AUH: variants seen among roughly 807,000 people sequenced by gnomAD.
AUH encodes the protein AU RNA binding methylglutaconyl-CoA hydratase.
In AUH, 29 loss-of-function variants were observed where a neutral mutation model predicts 42.3. The ratio of observed to expected loss-of-function variants is 0.69; its 90% CI spans 0.51 to 0.93. The LOEUF (loss-of-function observed/expected upper bound fraction) is 0.93, where lower values mean the gene tolerates loss of function less well. Ranked by LOEUF, AUH falls within the 40% of genes least tolerant of loss-of-function variation. The probability of loss-of-function intolerance (pLI) is 0.00; values close to 1 mark genes in which losing one functional copy is unlikely to be tolerated. For synonymous variants in AUH, 174 were observed against 166.4 expected (o/e 1.05, Z -0.35); for missense variants, 452 against 438.1 (o/e 1.03, Z -0.28).
intron 3 of AUH, among the ~76,000 whole-genome samples, chr9:91,353,494 T>C (rs549636098): frequency 4.3e-4 from 65 of 152,324 alleles, no homozygotes; most frequent in Non-Finnish European, 8.8e-4. Flanking sequence ...AAGATGTTTA[T>C]ACTAATATAG....
chr9:91,256,981 A>G (rs1195128236), intron 6 of AUH, among the ~76,000 whole-genome samples: 1 of 152,148 alleles, frequency 6.6e-6, no homozygotes, highest in East Asian at 1.9e-4. Flanking sequence ...CCAAACTTGT[A>G]GGTATTCTTG....
chr9:91,354,719 C>T (rs931599085), intron 3 of AUH, among the ~76,000 whole-genome samples: 1 of 152,130 alleles, frequency 6.6e-6, no homozygotes. Context: ...GATATCACTC[C>T]TCAAAAATTC....
chr9:91,217,950 G>A (rs1393175853), intron 7 of AUH, among the ~76,000 whole-genome samples: 1 of 152,172 alleles, frequency 6.6e-6, no homozygotes, highest in Non-Finnish European at 1.5e-5. Flanking sequence ...AATGTTACCT[G>A]TGTCTTGCAG....
intron 4 of AUH, among the ~76,000 whole-genome samples, chr9:91,302,778 G>GA (rs558155014): frequency 1.4e-4 from 22 of 151,726 alleles, no homozygotes; most frequent in African/African-American, 4.4e-4. Context: ...CAAAAAAAAG[G>GA]AAAAAAAATG....
At chr9:91,344,218 A>G (rs1006145030) in intron 3 of AUH, among the ~76,000 whole-genome samples, 9 of 152,206 alleles carry the variant, frequency 5.9e-5, no homozygotes, top group African/African-American at 2.2e-4. Flanking sequence ...TGGTCTCCAC[A>G]ACTAAGACAC....
chr9:91,309,078 C>T (rs1401601957), intron 4 of AUH, among the ~76,000 whole-genome samples: 3 of 151,632 alleles, frequency 2.0e-5, no homozygotes, highest in African/African-American at 7.3e-5. Context: ...AGGCGTGAGC[C>T]ACGGCGCCTG....
chr9:91,242,474 A>T (rs552743235), intron 6 of AUH, among the ~76,000 whole-genome samples: 1 of 152,374 alleles, frequency 6.6e-6, no homozygotes, highest in East Asian at 1.9e-4. Flanking sequence ...TGAACCACTT[A>T]TCTTGAAAAA....
rs558242514 is a variant in AUH at position 91,329,600 on chromosome 9, T to C, written c.419-4196A>G. On this transcript the variant is annotated intron_variant, in intron 3 of 9. Coordinates refer to ENST00000375731, the MANE Select transcript of AUH (RefSeq NM_001698.3). ...ATTTTTTTAAAATCAGGTAATTTGTTTTCTCCTTATTGAGTTGTAAGTTAT... is the reference window on the plus strand; with the variant it reads ...ATTTTTTTAAAATCAGGTAATTTGTCTTCTCCTTATTGAGTTGTAAGTTAT... Among the ~76,000 whole-genome samples, 9 of 152,292 alleles carry C rather than the reference T, an allele frequency of 5.9e-5. No individual in the cohort carries two copies. In the South Asian group the frequency reaches 1.9e-3, roughly 32 times the overall value.
intron 6 of AUH, among the ~76,000 whole-genome samples, chr9:91,230,386 C>T (rs1827798361): frequency 6.6e-6 from 1 of 151,686 alleles, no homozygotes; most frequent in Non-Finnish European, 1.5e-5. Context: ...AGTTCTCGAG[C>T]CTTGGTTTTC....
At chr9:91,301,021 G>A (rs146268720) in intron 4 of AUH, among the ~76,000 whole-genome samples, 135 of 152,176 alleles carry the variant, frequency 8.9e-4, no homozygotes, top group African/African-American at 3.1e-3. Context: ...CAAACCTCAC[G>A]GTTTTTCACT....
intron 6 of AUH, among the ~76,000 whole-genome samples, chr9:91,235,246 T>G (rs563690835): frequency 1.3e-5 from 2 of 152,312 alleles, no homozygotes; most frequent in South Asian, 4.1e-4. Context: ...AGGCAGCTAC[T>G]GCTGTCACCC....
At chr9:91,218,599 A>C in intron 7 of AUH, 1 of 984,290 alleles carries the variant, frequency 1.0e-6, no homozygotes, top group African/African-American at 1.7e-5. Context: ...CACTTTGGGA[A>C]GTAAAGTTTA....
chr9:91,237,802 C>T (rs1439509680), intron 6 of AUH, among the ~76,000 whole-genome samples: 2 of 152,164 alleles, frequency 1.3e-5, no homozygotes, highest in African/African-American at 2.4e-5. Flanking sequence ...TGTACCTTTC[C>T]TCCTCAGACC....
At chr9:91,247,348 G>T (rs879501936) in intron 6 of AUH, among the ~76,000 whole-genome samples, 1 of 151,758 alleles carries the variant, frequency 6.6e-6, no homozygotes, top group East Asian at 1.9e-4. Context: ...TCCCTGCCTC[G>T]CCCCTCAGTC....
chr9:91,293,130 T>C (rs1349492729), intron 6 of AUH, among the ~76,000 whole-genome samples: 2 of 152,118 alleles, frequency 1.3e-5, no homozygotes, highest in African/African-American at 4.8e-5. Flanking sequence ...CCCATCTCTC[T>C]CCCTTTCCTT....
intron 9 of AUH, among the ~76,000 whole-genome samples, chr9:91,215,526 CTTTT>C (rs879805395): frequency 2.0e-5 from 3 of 151,516 alleles, no homozygotes; most frequent in Admixed American, 2.0e-4. Flanking sequence ...ATGCAACCAT[CTTTT>C]TTTTTCCTGA....
chr9:91,345,698 T>C (rs1001006319), intron 3 of AUH, among the ~76,000 whole-genome samples: 1 of 151,952 alleles, frequency 6.6e-6, no homozygotes, highest in Non-Finnish European at 1.5e-5. Flanking sequence ...CCGGGCGTGG[T>C]GGCGAGCCCC....
chr9:91,318,842 G>A (rs748084559), intron 4 of AUH, among the ~76,000 whole-genome samples: 2 of 152,224 alleles, frequency 1.3e-5, no homozygotes, highest in South Asian at 2.1e-4. Flanking sequence ...GAAAGTGGCA[G>A]TTTTGGGAAA....
chr9:91,218,499 G>C, intron 7 of AUH: 2 of 474,818 alleles, frequency 4.2e-6, no homozygotes, highest in Non-Finnish European at 5.5e-6. Context: ...TTAAAATGCA[G>C]ATGTGGACTC....
Sources: gnomAD v4.1 joint callset for allele counts (sites outside exome capture counted in the v4.1 genomes callset) on GRCh38, gnomAD v4.1.1 for gene constraint, MANE v1.5 for transcripts, NCBI Gene and HGNC (gene_info 2026-07-23, HGNC 2026-07-21) for gene names.